SMURF2: variants seen among roughly 807,000 people sequenced by gnomAD.
The protein encoded by SMURF2 is SMAD specific E3 ubiquitin protein ligase 2.
SMURF2 carries 48 observed loss-of-function variants against 109.6 expected under a neutral mutation model. The observed-to-expected ratio is 0.44, with a 90% CI of 0.35 to 0.56. The LOEUF (loss-of-function observed/expected upper bound fraction) is 0.56, where lower values mean the gene tolerates loss of function less well. SMURF2 is among the 20% of genes least tolerant of loss of function. SMURF2 has a pLI of 0.01. For synonymous variants in SMURF2, 288 were observed against 317.1 expected (o/e 0.91, Z 0.97); for missense variants, 575 against 909.0 (o/e 0.63, Z 4.72).
chr17:64,622,376 A>T (rs1264459460), intron 1 of SMURF2, among the ~76,000 whole-genome samples: 2 of 152,166 alleles, frequency 1.3e-5, no homozygotes, highest in Non-Finnish European at 2.9e-5. Context: ...CATTAATTAA[A>T]ATTGGTGTTT....
At chr17:64,602,856 C>G (rs1192726151) in intron 2 of SMURF2, among the ~76,000 whole-genome samples, 1 of 151,842 alleles carries the variant, frequency 6.6e-6, no homozygotes, top group Non-Finnish European at 1.5e-5. Context: ...ACCTGGGAGG[C>G]GGAGGTTGCA....
In SMURF2 at chr17:64,627,359, G is replaced by A. The variant is rs190070108; in HGVS notation, c.53-20719C>T. On this transcript the variant is annotated intron_variant, in intron 1 of 18. Coordinates refer to ENST00000262435, the MANE Select transcript of SMURF2 (RefSeq NM_022739.4). Reference sequence around the variant, plus strand: ...TCGAACTCCTGACCTCAAGTGATCCGCCCACCTCAGCCTCCCAAAGTGCTG... The same window carrying A: ...TCGAACTCCTGACCTCAAGTGATCCACCCACCTCAGCCTCCCAAAGTGCTG... Among the ~76,000 whole-genome samples, 379 of 151,994 alleles carry A rather than the reference G, an allele frequency of 2.5e-3. 1 individual carries two copies. Among genetic ancestry groups the A allele is most frequent in the African/African-American group, 8.5e-3 (354 of 41,472 alleles).
At chr17:64,652,888 C>A (rs1970658268) in intron 1 of SMURF2, among the ~76,000 whole-genome samples, 1 of 152,008 alleles carries the variant, frequency 6.6e-6, no homozygotes, top group South Asian at 2.1e-4. Context: ...AAAATCATGA[C>A]ACTTACTTCT....
Position 64,598,380 on chromosome 17 carries a change from A to T in SMURF2, c.200+2T>A. 1 of 1,586,034 alleles carries T rather than the reference A, an allele frequency of 6.3e-7. No homozygotes were observed. Among genetic ancestry groups the T allele is most frequent in the Non-Finnish European group, 8.6e-7 (1 of 1,165,100 alleles). On this transcript the variant is annotated splice_donor_variant, in intron 3 of 18. Coordinates refer to ENST00000262435, the MANE Select transcript of SMURF2 (RefSeq NM_022739.4). LOFTEE classifies it high-confidence loss of function. ...CATTTCAAACTAATTGTTGAAACCTACAGGTCATAATGCTGATTCCACTTT... is the reference window on the plus strand; with the variant it reads ...CATTTCAAACTAATTGTTGAAACCTTCAGGTCATAATGCTGATTCCACTTT...
intron 1 of SMURF2, among the ~76,000 whole-genome samples, chr17:64,623,073 G>A (rs537121924): frequency 7.2e-5 from 11 of 152,140 alleles, no homozygotes; most frequent in African/African-American, 2.2e-4. Flanking sequence ...TTCCATCATT[G>A]AGGGGAAAGG....
intron 1 of SMURF2, among the ~76,000 whole-genome samples, chr17:64,626,321 A>T (rs1471872843): frequency 6.6e-6 from 1 of 151,986 alleles, no homozygotes; most frequent in Non-Finnish European, 1.5e-5. Context: ...ATACATGTCC[A>T]TGCAGGGTCA....
In SMURF2 at chr17:64,547,530, C is replaced by T; in HGVS notation, c.2071+70G>A. ...TCTAAGCACATGGTTTACAAAATAT[C>T]TCCACAGACCCCACGCTGACAGCCC... is the stretch of plus-strand genomic sequence containing the variant. On this transcript the variant is annotated intron_variant, in intron 17 of 18. Coordinates refer to ENST00000262435, the MANE Select transcript of SMURF2 (RefSeq NM_022739.4). This position sits in a 1 kb window ranked among gnomAD's most constrained non-coding sequence, Gnocchi z 4.2. The T allele has an allele frequency of 7.6e-7, 1 of 1,314,824 alleles. No individual in the cohort carries two copies. Among genetic ancestry groups the T allele is most frequent in the South Asian group, 1.2e-5 (1 of 84,424 alleles). The allele number at this position is 1,314,824 out of a possible 1,614,324, so 81.4% of individuals were successfully genotyped here. A position where few individuals can be genotyped will look rare whatever the true frequency, so the allele number is the denominator to read the frequency against.
chr17:64,634,963 ACAT>A (rs1970396191), intron 1 of SMURF2, among the ~76,000 whole-genome samples: 1 of 152,296 alleles, frequency 6.6e-6, no homozygotes, highest in African/African-American at 2.4e-5. Context: ...AAAGCCACAA[ACAT>A]CATAACCTAA....
chr17:64,555,324 T>G lies in SMURF2; in HGVS notation c.1611-331A>C, dbSNP rs75916382. ...ACTGTACTCCAAGGGGCCAAGTGCC[T>G]GTGTATCCCTAGTGAGAAAGCTACT... On this transcript the variant is annotated intron_variant, in intron 14 of 18. Transcript: ENST00000262435. 9.7e-3 allele frequency among the ~76,000 whole-genome samples: 1,481 copies of G among 152,338 alleles called. 18 individuals carry two copies. The highest frequency in any genetic ancestry group is 0.037 in the Middle Eastern group (11 of 294).
intron 1 of SMURF2, chr17:64,660,954 T>C (rs1970766384): frequency 6.6e-6 from 1 of 152,264 alleles, no homozygotes; most frequent in Middle Eastern, 3.4e-3. Flanking sequence ...TTTGTAAGTG[T>C]AGTCTTCTAT....
intron 18 of SMURF2, among the ~76,000 whole-genome samples, 153 bp from the exon 19 acceptor site, chr17:64,546,100 A>C (rs574742689): frequency 6.6e-6 from 1 of 152,340 alleles, no homozygotes; most frequent in African/African-American, 2.4e-5. Context: ...GGGTTTTCCT[A>C]CCAATTTCCG....
intron 1 of SMURF2, among the ~76,000 whole-genome samples, chr17:64,645,329 C>T (rs1191152785): frequency 1.3e-5 from 2 of 152,186 alleles, no homozygotes; most frequent in Admixed American, 6.5e-5. Context: ...AATTAAGAGA[C>T]ATACCAACCC....
At chr17:64,660,775 G>C (rs1194521674) in intron 1 of SMURF2, 1 of 152,146 alleles carries the variant, frequency 6.6e-6, no homozygotes, top group African/African-American at 2.4e-5. Context: ...AATTTATCAG[G>C]GGTAAATGGT....
chr17:64,634,869 AT>A (rs1970394982), intron 1 of SMURF2, among the ~76,000 whole-genome samples: 2 of 152,246 alleles, frequency 1.3e-5, no homozygotes, highest in African/African-American at 4.8e-5. Context: ...TGGAGGCTCC[AT>A]TTTAAGAGCA....
At chr17:64,630,212 G>C (rs985832115) in intron 1 of SMURF2, among the ~76,000 whole-genome samples, 1 of 151,912 alleles carries the variant, frequency 6.6e-6, no homozygotes, top group Non-Finnish European at 1.5e-5. Context: ...CTCCAGCCTG[G>C]GCAACAGAGC....
At chr17:64,648,520 C>T (rs1970591682) in intron 1 of SMURF2, among the ~76,000 whole-genome samples, 1 of 152,108 alleles carries the variant, frequency 6.6e-6, no homozygotes, top group South Asian at 2.1e-4. Flanking sequence ...ACATGTAACT[C>T]CAGCATTCTG....
intron 1 of SMURF2, among the ~76,000 whole-genome samples, chr17:64,624,029 T>G (rs1970236420): frequency 6.6e-6 from 1 of 152,228 alleles, no homozygotes; most frequent in Non-Finnish European, 1.5e-5. Context: ...ACTAAACAAC[T>G]TTATGATATA....
At position 64,580,796 on chromosome 17, in the gene SMURF2, T is replaced by G. The variant is rs782388494; in HGVS notation, c.765A>C (p.Glu255Asp). ...THLHTPPDLP[E>D]GYEQRTTQQG... ...CCTTTGTAGTTGTCATACCATAGCCTTCTGGTAGGTCTGGAGGAGTATGTA... is the reference window on the plus strand; with the variant it reads ...CCTTTGTAGTTGTCATACCATAGCCGTCTGGTAGGTCTGGAGGAGTATGTA... The change falls in exon 8 of 19, where the codon GAA (glutamate) becomes GAC (aspartate). Residue 255 changes from glutamate to aspartate, a missense_variant. By Grantham distance (45) the Glu-to-Asp change is conservative. Around this residue, in one of 5 missense-constraint regions of SMURF2, gnomAD observed 361 missense variants for 612.1 expected, o/e 0.59. Transcript: ENST00000262435. The G allele has an allele frequency of 6.2e-7, 1 of 1,613,918 alleles. No homozygotes were observed. The highest frequency in any genetic ancestry group is 1.1e-5 in the South Asian group (1 of 91,086).
intron 10 of SMURF2, among the ~76,000 whole-genome samples, chr17:64,568,062 G>C (rs1387471870): frequency 1.3e-5 from 2 of 152,004 alleles, no homozygotes; most frequent in Non-Finnish European, 2.9e-5. Context: ...CACCGTATTA[G>C]CCAGGATGGT....
Sources: gnomAD v4.1 joint callset for allele counts (sites outside exome capture counted in the v4.1 genomes callset) on GRCh38, gnomAD v4.1.1 for gene constraint, gnomAD v4.1.1 regional missense constraint, Gnocchi (gnomAD v3.1) non-coding constraint, MANE v1.5 for transcripts, NCBI Gene and HGNC (gene_info 2026-07-23, HGNC 2026-07-21) for gene names.